EPHA6: variants seen among roughly 807,000 people sequenced by gnomAD.
EPHA6 encodes the protein EPH receptor A6.
EPHA6 carries 50 observed loss-of-function variants against 112.0 expected under a neutral mutation model. The observed-to-expected ratio is 0.45, with a 90% confidence interval of 0.36 to 0.56. The LOEUF (loss-of-function observed/expected upper bound fraction) is 0.56. Among genes scored for constraint, EPHA6 ranks in the 20% least tolerant of loss-of-function variants. The probability of loss-of-function intolerance (pLI) is 0.00; values close to 1 mark genes in which losing one functional copy is unlikely to be tolerated. For missense variants in EPHA6, 1,280 were observed against 1,417.4 expected (o/e 0.90, Z 1.56); for synonymous variants, 529 against 490.7 (o/e 1.08, Z -1.03).
At chr3:97,542,080 C>T (rs1174047517) in intron 11 of EPHA6, among the ~76,000 whole-genome samples, 1 of 142,386 alleles carries the variant, frequency 7.0e-6, no homozygotes, top group Non-Finnish European at 1.5e-5. Flanking sequence ...TGTCTTGTCG[C>T]TTCATGTTTT....
At chr3:97,242,669 A>G (rs1313664534) in intron 4 of EPHA6, among the ~76,000 whole-genome samples, 1 of 151,904 alleles carries the variant, frequency 6.6e-6, no homozygotes, top group Non-Finnish European at 1.5e-5. Flanking sequence ...TATTTAATGA[A>G]TGAATGGCCG....
chr3:96,968,610 T>G (rs2042211521), intron 2 of EPHA6, among the ~76,000 whole-genome samples: 1 of 151,808 alleles, frequency 6.6e-6, no homozygotes, highest in Non-Finnish European at 1.5e-5. Flanking sequence ...TGGATCCATA[T>G]AATGTATTTC....
intron 3 of EPHA6, among the ~76,000 whole-genome samples, chr3:97,073,178 T>C (rs1022804574): frequency 6.6e-6 from 1 of 152,170 alleles, no homozygotes; most frequent in Non-Finnish European, 1.5e-5. Flanking sequence ...AGATGTATGA[T>C]GTGTACATCT....
chr3:96,824,887 G>T (rs1014757064), intron 1 of EPHA6, among the ~76,000 whole-genome samples: 1 of 151,084 alleles, frequency 6.6e-6, no homozygotes, highest in East Asian at 2.0e-4. Context: ...CAGCTCCCCC[G>T]CCCCTGCCCT....
chr3:97,706,267 A>T (rs956632430), intron 14 of EPHA6, among the ~76,000 whole-genome samples: 7 of 152,170 alleles, frequency 4.6e-5, no homozygotes, highest in Admixed American at 4.6e-4. Context: ...GAAAAAAAAC[A>T]CTCATTTACA....
chr3:97,497,248 T>C (rs2092004942), intron 10 of EPHA6, among the ~76,000 whole-genome samples: 1 of 152,144 alleles, frequency 6.6e-6, no homozygotes, highest in African/African-American at 2.4e-5. Context: ...CACCAACCTT[T>C]CCTTCACGCA....
At chr3:97,466,941 C>A (rs1193581050) in intron 7 of EPHA6, among the ~76,000 whole-genome samples, 1 of 151,878 alleles carries the variant, frequency 6.6e-6, no homozygotes, top group Non-Finnish European at 1.5e-5. Flanking sequence ...TTGCAGATTT[C>A]TTCGAATCAT....
intron 1 of EPHA6, among the ~76,000 whole-genome samples, chr3:96,823,164 GC>G (rs1290897072): frequency 6.6e-6 from 1 of 151,640 alleles, no homozygotes; most frequent in Non-Finnish European, 1.5e-5. Flanking sequence ...CACTAATATT[GC>G]AAAACATAAT....
rs763662077 is a variant in EPHA6, at chr3:97,494,785, CT to C, written c.2200+10727del. Among the ~76,000 whole-genome samples the C allele has an allele frequency of 1.3e-3, 194 of 152,222 alleles. 2 individuals carry two copies. Among genetic ancestry groups the C allele is most frequent in the Non-Finnish European group, 1.9e-3 (132 of 68,000 alleles). On this transcript the variant is annotated intron_variant, in intron 10 of 17. Coordinates refer to ENST00000389672, the MANE Select transcript of EPHA6 (RefSeq NM_001080448.3). ...AAAATTGAACTTATACAAAGTAAACCTAATCCTACTTCCACACCACACCATT... is the reference window on the plus strand; with the variant it reads ...AAAATTGAACTTATACAAAGTAAACCAATCCTACTTCCACACCACACCATT...
chr3:96,984,232 G>A (rs561037919), intron 2 of EPHA6, among the ~76,000 whole-genome samples: 14 of 152,142 alleles, frequency 9.2e-5, no homozygotes, highest in East Asian at 3.9e-4. Context: ...TGGGGTTTTG[G>A]TGTGGATGTC....
At chr3:97,402,915 A>ATACT (rs1468175283) in intron 5 of EPHA6, among the ~76,000 whole-genome samples, 3 of 152,186 alleles carry the variant, frequency 2.0e-5, no homozygotes, top group Non-Finnish European at 4.4e-5. Context: ...CAAACTTTTA[A>ATACT]TACTTAAGTC....
At chr3:97,408,537 T>C (rs1048672140) in intron 6 of EPHA6, among the ~76,000 whole-genome samples, 3 of 152,112 alleles carry the variant, frequency 2.0e-5, no homozygotes, top group Non-Finnish European at 4.4e-5. Context: ...TAAAAACTAA[T>C]AAACTATGTG....
intron 14 of EPHA6, among the ~76,000 whole-genome samples, chr3:97,654,246 A>G (rs897237025): frequency 3.9e-5 from 6 of 151,956 alleles, no homozygotes; most frequent in African/African-American, 7.2e-5. Flanking sequence ...TACCTTATAT[A>G]TAGATAATTT....
intron 13 of EPHA6, among the ~76,000 whole-genome samples, chr3:97,622,994 T>C (rs931180128): frequency 4.0e-5 from 6 of 151,768 alleles, no homozygotes; most frequent in Non-Finnish European, 8.8e-5. Flanking sequence ...CTATATAGGA[T>C]GGATACTATT....
intron 3 of EPHA6, among the ~76,000 whole-genome samples, chr3:97,150,845 C>T (rs2076154688): frequency 6.6e-6 from 1 of 152,084 alleles, no homozygotes; most frequent in South Asian, 2.1e-4. Flanking sequence ...ATGCCACTGT[C>T]TGGTTATTCA....
intron 14 of EPHA6, among the ~76,000 whole-genome samples, chr3:97,715,341 A>G (rs544573086): frequency 1.3e-5 from 2 of 152,376 alleles, no homozygotes; most frequent in East Asian, 3.9e-4. Flanking sequence ...AAGGTCACAC[A>G]GTGAACTATA....
chr3:96,994,759 A>AGAGAGAGAGAGAGAGGGC (rs763682996), intron 3 of EPHA6, among the ~76,000 whole-genome samples: 1 of 116,214 alleles, frequency 8.6e-6, no homozygotes, highest in African/African-American at 3.6e-5. Context: ...AGAGAGAGAG[A>AGAGAGAGAGAGAGAGGGC]GAGCTATATA....
intron 4 of EPHA6, among the ~76,000 whole-genome samples, chr3:97,231,507 C>A (rs899426185): frequency 6.6e-6 from 1 of 152,132 alleles, no homozygotes; most frequent in East Asian, 1.9e-4. Flanking sequence ...TGTGCATAAG[C>A]ATGGTGAGGG....
chr3:97,623,560 G>C (rs2093830709), intron 13 of EPHA6, among the ~76,000 whole-genome samples: 1 of 151,622 alleles, frequency 6.6e-6, no homozygotes, highest in Non-Finnish European at 1.5e-5. Flanking sequence ...GCATTTTCTT[G>C]ATGCATTCTA....
Sources: gnomAD v4.1 joint callset for allele counts (sites outside exome capture counted in the v4.1 genomes callset) on GRCh38, gnomAD v4.1.1 for gene constraint, MANE v1.5 for transcripts, NCBI Gene and HGNC (gene_info 2026-07-23, HGNC 2026-07-21) for gene names.